Variants in NEK1 observed in about 807,000 individuals in gnomAD.
The protein encoded by NEK1 is serine/threonine-protein kinase Nek1.
NEK1 carries 137 observed loss-of-function variants against 182.1 expected under a neutral mutation model. The observed-to-expected ratio is 0.75, with a 90% CI of 0.65 to 0.87. The LOEUF is 0.87. Among genes scored for constraint, NEK1 ranks in the 40% least tolerant of loss-of-function variants. The probability of loss-of-function intolerance (pLI) is 0.00; values close to 1 mark genes in which losing one functional copy is unlikely to be tolerated. For missense variants in NEK1, 1,391 were observed against 1,494.4 expected (o/e 0.93, Z 1.14); for synonymous variants, 513 against 492.2 (o/e 1.04, Z -0.56).
intron 19 of NEK1, among the ~76,000 whole-genome samples, chr4:169,521,460 C>T (rs1334063957): frequency 2.0e-5 from 3 of 151,600 alleles, no homozygotes; most frequent in Non-Finnish European, 2.9e-5. Context: ...AGAAATCACC[C>T]GTCTTCTGCG....
chr4:169,513,958 G>C (rs1351848518), intron 19 of NEK1, among the ~76,000 whole-genome samples: 2 of 134,148 alleles, frequency 1.5e-5, no homozygotes, highest in Non-Finnish European at 3.1e-5. Flanking sequence ...ATTTTATTGA[G>C]GATTTTTGTT....
intron 27 of NEK1, among the ~76,000 whole-genome samples, chr4:169,440,340 A>C (rs1739206834): frequency 6.6e-6 from 1 of 152,194 alleles, no homozygotes; most frequent in Non-Finnish European, 1.5e-5. Context: ...AAATGGTAAA[A>C]AATTTTTTTA....
intron 18 of NEK1, among the ~76,000 whole-genome samples, chr4:169,542,209 G>A (rs961295071): frequency 2.0e-5 from 3 of 152,120 alleles, no homozygotes; most frequent in African/African-American, 7.2e-5. Context: ...TCCCCTTCGT[G>A]TGTCCATGTG....
chr4:169,400,174 T>G, intron 35 of NEK1, 51 bp downstream of exon 35: 1 of 1,525,218 alleles, frequency 6.6e-7, no homozygotes, highest in Non-Finnish European at 8.9e-7. Context: ...TGTATCATCT[T>G]GTTTTTCTCA....
At chr4:169,514,326 G>C (rs1317158227) in intron 19 of NEK1, among the ~76,000 whole-genome samples, 1 of 152,112 alleles carries the variant, frequency 6.6e-6, no homozygotes, top group Non-Finnish European at 1.5e-5. Context: ...ATACTGGTCT[G>C]TAGTTTGCTT....
chr4:169,455,394 C>A (rs1288908871), intron 27 of NEK1, among the ~76,000 whole-genome samples: 1 of 149,726 alleles, frequency 6.7e-6, no homozygotes, highest in Non-Finnish European at 1.5e-5. Context: ...TAAAGACACA[C>A]ACAGACCAAA....
At chr4:169,464,284 G>A (rs957190537) in intron 26 of NEK1, among the ~76,000 whole-genome samples, 11 of 152,138 alleles carry the variant, frequency 7.2e-5, no homozygotes, top group Non-Finnish European at 1.5e-4. Context: ...TTAAGCAACC[G>A]CAGGCTTTCA....
intron 31 of NEK1, among the ~76,000 whole-genome samples, chr4:169,418,562 A>C (rs1278694568): frequency 2.0e-5 from 3 of 152,238 alleles, no homozygotes; most frequent in Non-Finnish European, 4.4e-5. Context: ...GAAATGAAAG[A>C]CACAAAAACA....
intron 2 of NEK1, among the ~76,000 whole-genome samples, chr4:169,609,686 A>G (rs1487183335): frequency 1.3e-5 from 2 of 152,192 alleles, no homozygotes; most frequent in Admixed American, 6.5e-5. Flanking sequence ...TAAACTAGTA[A>G]TACTGCCTAC....
chr4:169,576,026 C>T (rs551785121), intron 12 of NEK1, among the ~76,000 whole-genome samples: 96 of 151,370 alleles, frequency 6.3e-4, no homozygotes, highest in Non-Finnish European at 1.3e-3. Flanking sequence ...TGCAGTGGCG[C>T]ACTCTTTGGC....
chr4:169,573,748 A>G (rs1765236995), intron 12 of NEK1, among the ~76,000 whole-genome samples: 1 of 152,234 alleles, frequency 6.6e-6, no homozygotes, highest in African/African-American at 2.4e-5. Flanking sequence ...AGGGAACGGG[A>G]TGATTATAAA....
intron 7 of NEK1, 145 bp from the exon 8 acceptor site, chr4:169,588,880 C>T: frequency 1.6e-6 from 1 of 627,240 alleles, no homozygotes; most frequent in Non-Finnish European, 2.9e-6. Flanking sequence ...CACCTAGTGA[C>T]ACGGTGACTG....
At chr4:169,554,909 T>C (rs1295819994) in intron 18 of NEK1, 7 of 152,120 alleles carry the variant, frequency 4.6e-5, no homozygotes, top group Admixed American at 4.6e-4. Flanking sequence ...AAGGGGTACA[T>C]AGGAACTCTC....
chr4:169,575,076 C>G (rs1201248567), intron 12 of NEK1, among the ~76,000 whole-genome samples: 1 of 152,074 alleles, frequency 6.6e-6, no homozygotes, highest in Non-Finnish European at 1.5e-5. Flanking sequence ...CAGAGTATGA[C>G]CAGAGTCTTA....
At chr4:169,590,630 A>G in intron 6 of NEK1, 96 bp downstream of exon 6, 1 of 689,050 alleles carries the variant, frequency 1.5e-6, no homozygotes, top group Non-Finnish European at 2.5e-6. Context: ...AGATAATCTG[A>G]TGCACACTAA....
chr4:169,498,899 C>A (rs183133391), intron 23 of NEK1, among the ~76,000 whole-genome samples: 1 of 152,092 alleles, frequency 6.6e-6, no homozygotes, highest in Non-Finnish European at 1.5e-5. Context: ...TTGCTCTTCT[C>A]GAGGAGTATC....
intron 31 of NEK1, among the ~76,000 whole-genome samples, chr4:169,419,535 A>T (rs1204228997): frequency 6.6e-6 from 1 of 152,248 alleles, no homozygotes; most frequent in Non-Finnish European, 1.5e-5. Context: ...AGCAAAAATA[A>T]TAAAAATGTA....
chr4:169,409,338 G>GT (rs1243371707), intron 31 of NEK1, among the ~76,000 whole-genome samples: 1 of 151,964 alleles, frequency 6.6e-6, no homozygotes, highest in African/African-American at 2.4e-5. Flanking sequence ...TAGAGACGGG[G>GT]TTTCACCATG....
chr4:169,531,777 C>T (rs1315841097), intron 19 of NEK1, among the ~76,000 whole-genome samples: 1 of 151,948 alleles, frequency 6.6e-6, no homozygotes, highest in East Asian at 1.9e-4. Flanking sequence ...AAATAGGGTT[C>T]CATAGGGAAG....
Sources: allele counts gnomAD v4.1 joint callset (sites outside exome capture counted in the v4.1 genomes callset), GRCh38; gene constraint gnomAD v4.1.1; transcripts MANE v1.5; gene names NCBI Gene and HGNC (gene_info 2026-07-23, HGNC 2026-07-21).